PRKN: variants seen among roughly 807,000 people sequenced by gnomAD.
The protein encoded by PRKN is parkin RBR E3 ubiquitin protein ligase, also known as E3 ubiquitin-protein ligase parkin.
A neutral mutation model predicts 59.5 loss-of-function variants in PRKN; 56 were observed. That is an observed-to-expected ratio of 0.94 (90% CI 0.76 to 1.18). PRKN has a LOEUF of 1.18. Among genes scored for constraint, PRKN ranks in the 50% most tolerant of loss-of-function variants. PRKN has a pLI of 0.00. For synonymous variants in PRKN, 250 were observed against 222.1 expected (o/e 1.13, Z -1.12); for missense variants, 657 against 596.4 (o/e 1.10, Z -1.06).
rs781173960 is a variant in PRKN, at chr6:161,550,734, TGCAC to T, written c.934-1735_934-1732del. The stretch of plus-strand genomic sequence containing the variant: ...GTAGAAGAAAGGGTATGTGTGTGTG[TGCAC>T]GTGTGTGTGTGTGTGTGTGTGTGTA... On this transcript the variant is annotated intron_variant, in intron 8 of 11. Transcript: ENST00000366898. This position sits in a 1 kb window ranked among gnomAD's most constrained non-coding sequence, Gnocchi z 4.0. Among the ~76,000 whole-genome samples the T allele has an allele frequency of 3.7e-4, 37 of 99,042 alleles. No individual in the cohort carries two copies. The highest frequency in any genetic ancestry group is 6.2e-3 in the Middle Eastern group (1 of 162). The allele number at this position is 99,042 out of a possible 152,430, so 65.0% of individuals were successfully genotyped here.
intron 6 of PRKN, among the ~76,000 whole-genome samples, chr6:161,816,949 G>T (rs918414100): frequency 6.6e-6 from 1 of 152,040 alleles, no homozygotes; most frequent in Admixed American, 6.6e-5. Flanking sequence ...CCTGCAAAAG[G>T]GAACTGAAAA....
chr6:162,313,525 T>A lies in PRKN; in HGVS notation c.172-50760A>T, dbSNP rs1782619177. Among the ~76,000 whole-genome samples, 2 of 152,018 alleles carry A rather than the reference T, an allele frequency of 1.3e-5. 1 individual carries two copies. ...TTTTTGAAATGTAGTTTTGCTCTTG[T>A]TCCCCAGGCTGGAATCCAATGGTGC... On this transcript the variant is annotated intron_variant, in intron 2 of 11. Coordinates refer to ENST00000366898, the MANE Select transcript of PRKN (RefSeq NM_004562.3).
At chr6:161,970,534 C>A (rs1780762801) in intron 6 of PRKN, among the ~76,000 whole-genome samples, 1 of 151,416 alleles carries the variant, frequency 6.6e-6, no homozygotes, top group Non-Finnish European at 1.5e-5. Context: ...AAAATAACTT[C>A]TAACACTTTT....
chr6:162,656,519 A>G (rs1438037925), intron 1 of PRKN, among the ~76,000 whole-genome samples: 2 of 152,232 alleles, frequency 1.3e-5, no homozygotes, highest in African/African-American at 4.8e-5. Context: ...TGTAGTCCAC[A>G]TTCAATCCGA....
intron 2 of PRKN, among the ~76,000 whole-genome samples, chr6:162,429,927 T>G (rs564417589): frequency 6.6e-6 from 1 of 152,336 alleles, no homozygotes; most frequent in South Asian, 2.1e-4. Flanking sequence ...ATTCTCACTT[T>G]TGCCATTTGT....
intron 2 of PRKN, among the ~76,000 whole-genome samples, chr6:162,412,869 A>T (rs1788417333): frequency 6.6e-6 from 1 of 152,194 alleles, no homozygotes; most frequent in African/African-American, 2.4e-5. Flanking sequence ...AGGTGCCGAC[A>T]TTACAGGACT....
At chr6:162,407,317 A>C (rs908634280) in intron 2 of PRKN, among the ~76,000 whole-genome samples, 3 of 152,108 alleles carry the variant, frequency 2.0e-5, no homozygotes, top group Admixed American at 2.0e-4. Context: ...CTCCTGATGT[A>C]CTCCAAGTTA....
At position 162,147,429 on chromosome 6, in the gene PRKN, G is replaced by A. The variant is rs150034368; in HGVS notation, c.534+53702C>T. The stretch of plus-strand genomic sequence containing the variant: ...CCAATCTCTTTCTTTAGTTGATTTT[G>A]TATTGATGTTGCAACCTCAAGGGAA... On this transcript the variant is annotated intron_variant, in intron 4 of 11. Transcript: ENST00000366898. 2.3e-3 allele frequency among the ~76,000 whole-genome samples: 329 copies of A among 143,950 alleles called. 1 individual carries two copies. Among genetic ancestry groups the A allele is most frequent in the African/African-American group, 8.0e-3 (314 of 39,414 alleles). 94.4% of individuals were successfully genotyped at this position (143,950 alleles called of 152,430 possible).
At chr6:161,809,854 T>C (rs1174723219) in intron 6 of PRKN, among the ~76,000 whole-genome samples, 1 of 152,206 alleles carries the variant, frequency 6.6e-6, no homozygotes, top group Non-Finnish European at 1.5e-5. Context: ...TTCAAATTAT[T>C]AAGTAGCTAA....
intron 1 of PRKN, among the ~76,000 whole-genome samples, chr6:162,632,001 AG>A (rs780515302): frequency 0.023 from 3,408 of 148,118 alleles, 46 homozygotes; most frequent in South Asian, 0.034. Flanking sequence ...AAAAAAAAAA[AG>A]ATGTGGCAAG....
intron 6 of PRKN, among the ~76,000 whole-genome samples, chr6:161,907,092 C>T (rs532603831): frequency 6.6e-6 from 1 of 152,148 alleles, no homozygotes; most frequent in Non-Finnish European, 1.5e-5. Context: ...CAAGTTGACA[C>T]TCAATGTTAA....
chr6:162,605,303 A>G (rs1232790576), intron 1 of PRKN, among the ~76,000 whole-genome samples: 2 of 152,122 alleles, frequency 1.3e-5, no homozygotes, highest in Non-Finnish European at 2.9e-5. Context: ...TCCCATATTA[A>G]TTCCCTTACC....
chr6:162,521,810 A>G (rs1270331564), intron 1 of PRKN, among the ~76,000 whole-genome samples: 1 of 152,196 alleles, frequency 6.6e-6, no homozygotes, highest in African/African-American at 2.4e-5. Flanking sequence ...TTGTTAAAAA[A>G]TCACAGCTTA....
intron 9 of PRKN, among the ~76,000 whole-genome samples, chr6:161,477,288 C>A (rs565162216): frequency 6.6e-6 from 1 of 152,122 alleles, no homozygotes; most frequent in East Asian, 1.9e-4. Flanking sequence ...GAGGCCCAGG[C>A]GGGCGGATCA....
At chr6:161,521,716 C>T (rs777832528) in intron 9 of PRKN, among the ~76,000 whole-genome samples, 1 of 152,096 alleles carries the variant, frequency 6.6e-6, no homozygotes, top group Admixed American at 6.6e-5. Flanking sequence ...CAGCTTGACC[C>T]ATTTGGGAGG....
At chr6:161,942,217 T>C (rs970950205) in intron 6 of PRKN, among the ~76,000 whole-genome samples, 3 of 152,046 alleles carry the variant, frequency 2.0e-5, no homozygotes, top group Admixed American at 6.6e-5. Flanking sequence ...AAACAACTCA[T>C]TGGAACTAAA....
At chr6:162,624,927 T>C (rs1195714869) in intron 1 of PRKN, among the ~76,000 whole-genome samples, 1 of 152,138 alleles carries the variant, frequency 6.6e-6, no homozygotes, top group African/African-American at 2.4e-5. Flanking sequence ...GGAAATAAAA[T>C]TAAATACCTA....
chr6:162,369,899 G>A (rs1013230423), intron 2 of PRKN, among the ~76,000 whole-genome samples: 1 of 152,074 alleles, frequency 6.6e-6, no homozygotes, highest in Admixed American at 6.6e-5. Flanking sequence ...GTGGCTATTT[G>A]GAAAAATAAG....
chr6:161,917,402 G>A (rs1419355219), intron 6 of PRKN, among the ~76,000 whole-genome samples: 4 of 151,950 alleles, frequency 2.6e-5, no homozygotes, highest in African/African-American at 9.7e-5. Context: ...CACTGCACCC[G>A]GCCGATTTTT....
Sources: allele counts gnomAD v4.1 joint callset (sites outside exome capture counted in the v4.1 genomes callset), GRCh38; gene constraint gnomAD v4.1.1; non-coding constraint Gnocchi (gnomAD v3.1); transcripts MANE v1.5; gene names NCBI Gene and HGNC (gene_info 2026-07-23, HGNC 2026-07-21).